ZNF410: variants seen among roughly 807,000 people sequenced by gnomAD.
ZNF410 encodes zinc finger protein 410, also known as another partner for ARF 1.
In ZNF410, 18 loss-of-function variants were observed where a neutral mutation model predicts 54.8. That is an observed-to-expected ratio of 0.33 (90% CI 0.23 to 0.49). The LOEUF is 0.49. Ranked by LOEUF, ZNF410 falls within the 20% of genes least tolerant of loss-of-function variation. ZNF410 has a pLI of 0.99. For synonymous variants in ZNF410, 191 were observed against 207.3 expected (o/e 0.92, Z 0.68); for missense variants, 405 against 569.6 (o/e 0.71, Z 2.94).
chr14:73,898,033 C>A, intron 4 of ZNF410, 38 bp from the exon 5 acceptor site: 1 of 1,462,066 alleles, frequency 6.8e-7, no homozygotes, highest in Non-Finnish European at 9.4e-7. Context: ...AAAAAGCTTG[C>A]TTGGTTTCTA....
In ZNF410 at chr14:73,932,187, A is replaced by G. The variant is rs919812874; in HGVS notation, c.*646A>G. 3 of 345,432 alleles carry G rather than the reference A, an allele frequency of 8.7e-6. No homozygotes were observed. Among genetic ancestry groups the G allele is most frequent in the Non-Finnish European group, 1.7e-5 (3 of 179,076 alleles). 21.4% of individuals were successfully genotyped at this position (345,432 alleles called of 1,614,324 possible). Reference sequence around the variant, plus strand: ...TAATGGAACATACAGTAGCATGTTAAGAGGGATTTCATGTTTTTGTTTTTT... The same window carrying G: ...TAATGGAACATACAGTAGCATGTTAGGAGGGATTTCATGTTTTTGTTTTTT... On this transcript the variant is annotated 3_prime_UTR_variant, in exon 12 of 12. Coordinates refer to ENST00000555044, the MANE Select transcript of ZNF410 (RefSeq NM_021188.3).
intron 9 of ZNF410, 145 bp from the exon 10 acceptor site, chr14:73,921,921 C>G: frequency 1.2e-6 from 1 of 849,258 alleles, no homozygotes; most frequent in Non-Finnish European, 1.8e-6. Flanking sequence ...TCTTGTTTCT[C>G]GAAAGTAGGT....
chr14:73,900,915 C>T (rs1418833900), intron 5 of ZNF410, among the ~76,000 whole-genome samples: 1 of 152,188 alleles, frequency 6.6e-6, no homozygotes, highest in Non-Finnish European at 1.5e-5. Context: ...TTTCTTCTTT[C>T]AGTGTGGCTC....
At chr14:73,919,494 T>G (rs2055723205) in intron 8 of ZNF410, among the ~76,000 whole-genome samples, 1 of 152,166 alleles carries the variant, frequency 6.6e-6, no homozygotes, top group African/African-American at 2.4e-5. Context: ...TTTGTGTCCA[T>G]AAGTACCCAG....
Position 73,909,273 on chromosome 14 carries a change from G to GTTT in ZNF410, c.914-68_914-67insTTT, listed in dbSNP as rs1248517437. ...TCATTAGACTCTGAATAAAGTTGGT[G>GTTT]GGAAAAGAGAGTAACAGGTAATCAG... On this transcript the variant is annotated intron_variant, in intron 7 of 11. Coordinates refer to ENST00000555044, the MANE Select transcript of ZNF410 (RefSeq NM_021188.3). 16 of 1,339,562 alleles carry GTTT rather than the reference G, an allele frequency of 1.2e-5. 1 individual carries two copies. The highest frequency in any genetic ancestry group is 1.7e-5 in the Non-Finnish European group (16 of 951,876). 83.0% of individuals were successfully genotyped at this position (1,339,562 alleles called of 1,614,324 possible). A position where few individuals can be genotyped will look rare whatever the true frequency, so the allele number is the denominator to read the frequency against.
chr14:73,921,511 T>C (rs1021459333), intron 9 of ZNF410, among the ~76,000 whole-genome samples: 3 of 152,168 alleles, frequency 2.0e-5, no homozygotes, highest in African/African-American at 7.2e-5. Flanking sequence ...GGAGTCTTGC[T>C]TTGTCACCCA....
In ZNF410 at chr14:73,891,823, T is replaced by C. The variant is rs1420134593; in HGVS notation, c.-149-204T>C. On this transcript the variant is annotated intron_variant, in intron 1 of 11. Coordinates refer to ENST00000555044, the MANE Select transcript of ZNF410 (RefSeq NM_021188.3). ...AGATAGTTTTTTAGATTATTAGAGG[T>C]TGAAATACTGCATCAAAGCGTAGTA... 3 of 573,900 alleles carry C rather than the reference T, an allele frequency of 5.2e-6. No homozygotes were observed. The African/African-American group carries it at 5.7e-5, about 11-fold the overall frequency. The allele number at this position is 573,900 out of a possible 1,614,324, so 35.6% of individuals were successfully genotyped here.
chr14:73,905,058 G>GT lies in ZNF410; in HGVS notation c.888_889insT (p.Lys297Ter). On this transcript the variant is annotated frameshift_variant, in exon 7 of 12. Transcript: ENST00000555044. LOFTEE classifies it high-confidence loss of function. ...AGCAGTTTACTACAGCTGGAAACCTGAAGAACCACCGGCGCATCCACACAG... is the reference window on the plus strand; with the variant it reads ...AGCAGTTTACTACAGCTGGAAACCTGTAAGAACCACCGGCGCATCCACACAG... 1 of 1,613,424 alleles carries GT rather than the reference G, an allele frequency of 6.2e-7. No homozygotes were observed. Among genetic ancestry groups the GT allele is most frequent in the Non-Finnish European group, 8.5e-7 (1 of 1,179,980 alleles).
rs183047251 is a variant in ZNF410, at chr14:73,892,393, T to G, written c.33+185T>G. Reference sequence around the variant, plus strand: ...ATTTAAAAATTATATTTTTTGTGATTGTTTTTATATCTGTTTTTCAGTATA... The same window carrying G: ...ATTTAAAAATTATATTTTTTGTGATGGTTTTTATATCTGTTTTTCAGTATA... On this transcript the variant is annotated intron_variant, in intron 2 of 11. Transcript: ENST00000555044. 1.7e-4 allele frequency among the ~76,000 whole-genome samples: 26 copies of G among 152,132 alleles called. No individual in the cohort carries two copies. In the East Asian group the frequency reaches 4.6e-3, roughly 27 times the overall value.
At chr14:73,896,144 A>G (rs1464857277) in intron 3 of ZNF410, 172 bp from the exon 4 acceptor site, 5 of 595,704 alleles carry the variant, frequency 8.4e-6, no homozygotes, top group East Asian at 2.8e-5. Flanking sequence ...CCTTTGGAAC[A>G]TAAAGCCATC....
intron 5 of ZNF410, among the ~76,000 whole-genome samples, chr14:73,899,783 A>T (rs1471904668): frequency 6.6e-6 from 1 of 152,194 alleles, no homozygotes; most frequent in Non-Finnish European, 1.5e-5. Flanking sequence ...TATGGAGATT[A>T]TGTAACATTC....
At chr14:73,925,148 G>A (rs1350012579) in intron 11 of ZNF410, among the ~76,000 whole-genome samples, 1 of 95,680 alleles carries the variant, frequency 1.0e-5, no homozygotes, top group African/African-American at 3.3e-5. Flanking sequence ...TCTTTTTATT[G>A]TTGTGACCCA....
At chr14:73,907,127 A>T (rs1305321880) in intron 7 of ZNF410, among the ~76,000 whole-genome samples, 1 of 152,218 alleles carries the variant, frequency 6.6e-6, no homozygotes, top group African/African-American at 2.4e-5. Flanking sequence ...GGAACAGAAG[A>T]TTAGAGAGAG....
intron 1 of ZNF410, among the ~76,000 whole-genome samples, chr14:73,890,788 G>A (rs1433696443): frequency 1.3e-5 from 2 of 152,140 alleles, no homozygotes; most frequent in East Asian, 1.9e-4. Flanking sequence ...CACGGCAGGC[G>A]GATCACCTGA....
chr14:73,909,527 C>A, intron 8 of ZNF410, 97 bp downstream of exon 8: 1 of 951,352 alleles, frequency 1.1e-6, no homozygotes, highest in Non-Finnish European at 1.6e-6. Flanking sequence ...AAGAAACAAA[C>A]TGTTCACTAT....
Position 73,898,111 on chromosome 14 carries a change from T to A in ZNF410, c.429T>A (p.Asp143Glu). ...CTGAGCACTTAGTGTTTGTACAGGA[T>A]GAGGCAGAAGATTCAGGGAATGATT... ...SSAEHLVFVQ[D>E]EAEDSGNDFL... Residue 143 changes from aspartate (D) to glutamate (E), a missense_variant, in exon 5 of 12, where the codon GAT becomes GAA. This residue lies in a region of ZNF410 where 247 missense variants were observed against 342.8 expected (regional missense o/e 0.72). Coordinates refer to ENST00000555044, the MANE Select transcript of ZNF410 (RefSeq NM_021188.3). The A allele has an allele frequency of 1.2e-6, 2 of 1,614,150 alleles. No homozygotes were observed. The highest frequency in any genetic ancestry group is 1.7e-6 in the Non-Finnish European group (2 of 1,180,036).
At chr14:73,904,596 T>C (rs180950005) in intron 6 of ZNF410, among the ~76,000 whole-genome samples, 1 of 152,242 alleles carries the variant, frequency 6.6e-6, no homozygotes, top group African/African-American at 2.4e-5. Context: ...CACTTGGGAT[T>C]ACAGGCTTGC....
rs772734308 is a variant in ZNF410 at position 73,892,067 on chromosome 14, G to A, written c.-109G>A. The A allele has an allele frequency of 2.5e-6, 3 of 1,213,522 alleles. No individual in the cohort carries two copies. The highest frequency in any genetic ancestry group is 3.7e-6 in the Non-Finnish European group (3 of 815,084). The allele number at this position is 1,213,522 out of a possible 1,614,324, so 75.2% of individuals were successfully genotyped here. A position where few individuals can be genotyped will look rare whatever the true frequency, so the allele number is the denominator to read the frequency against. The stretch of plus-strand genomic sequence containing the variant: ...CACCTAGTACAACATCTTACGGGAA[G>A]AGCATAGTATTTCCTAGAGGAATAT... On this transcript the variant is annotated 5_prime_UTR_variant, in exon 2 of 12. Coordinates refer to ENST00000555044, the MANE Select transcript of ZNF410 (RefSeq NM_021188.3).
intron 1 of ZNF410, among the ~76,000 whole-genome samples, chr14:73,891,634 GT>G (rs1308396946): frequency 6.6e-6 from 1 of 152,134 alleles, no homozygotes; most frequent in East Asian, 1.9e-4. Context: ...GATTACAGTT[GT>G]AAGCCACCAC....
Sources: gnomAD v4.1 joint callset for allele counts (sites outside exome capture counted in the v4.1 genomes callset) on GRCh38, gnomAD v4.1.1 for gene constraint, gnomAD v4.1.1 regional missense constraint, MANE v1.5 for transcripts, NCBI Gene and HGNC (gene_info 2026-07-23, HGNC 2026-07-21) for gene names.